SLC9A9: variants seen among roughly 807,000 people sequenced by gnomAD.
SLC9A9 encodes sodium/hydrogen exchanger 9.
In SLC9A9, 62 loss-of-function variants were observed where a neutral mutation model predicts 77.8. The ratio of observed to expected loss-of-function variants is 0.80; its 90% CI spans 0.65 to 0.98. SLC9A9 has a LOEUF of 0.98. SLC9A9 is among the 50% of genes least tolerant of loss of function. The probability of loss-of-function intolerance (pLI) is 0.00; values close to 1 mark genes in which losing one functional copy is unlikely to be tolerated. For missense variants in SLC9A9, 775 were observed against 774.9 expected (o/e 1.00, Z 0.00); for synonymous variants, 320 against 283.5 (o/e 1.13, Z -1.29).
At chr3:143,752,407 G>A (rs190684411) in intron 4 of SLC9A9, among the ~76,000 whole-genome samples, 2 of 152,326 alleles carry the variant, frequency 1.3e-5, no homozygotes, top group East Asian at 3.9e-4. Flanking sequence ...ATAAAGCTGA[G>A]ACGATTTAAC....
intron 9 of SLC9A9, among the ~76,000 whole-genome samples, chr3:143,505,562 A>G (rs1048133602): frequency 2.6e-5 from 4 of 152,126 alleles, no homozygotes; most frequent in African/African-American, 9.7e-5. Context: ...GCTGCTCTTT[A>G]TCATATATTT....
At chr3:143,404,811 A>G (rs1296706428) in intron 12 of SLC9A9, among the ~76,000 whole-genome samples, 2 of 151,982 alleles carry the variant, frequency 1.3e-5, no homozygotes, top group Non-Finnish European at 1.5e-5. Flanking sequence ...TTGGAAGTCT[A>G]TTTTCCTTGC....
At chr3:143,435,950 G>T (rs866367219) in intron 12 of SLC9A9, among the ~76,000 whole-genome samples, 1 of 152,162 alleles carries the variant, frequency 6.6e-6, no homozygotes, top group African/African-American at 2.4e-5. Flanking sequence ...ACAGAACTAG[G>T]AGAAATCATG....
At chr3:143,734,821 G>A (rs1041940423) in intron 4 of SLC9A9, among the ~76,000 whole-genome samples, 7 of 152,026 alleles carry the variant, frequency 4.6e-5, no homozygotes, top group Non-Finnish European at 8.8e-5. Flanking sequence ...AGAGCTGGGA[G>A]GTGAACTAAG....
At chr3:143,520,330 T>TGA (rs1288619578) in intron 9 of SLC9A9, among the ~76,000 whole-genome samples, 2 of 152,120 alleles carry the variant, frequency 1.3e-5, no homozygotes, top group South Asian at 2.1e-4. Flanking sequence ...AGAATAGAGT[T>TGA]GAGAGAGAGA....
chr3:143,827,695 A>T (rs1166995755), intron 2 of SLC9A9, among the ~76,000 whole-genome samples: 1 of 152,226 alleles, frequency 6.6e-6, no homozygotes, highest in Non-Finnish European at 1.5e-5. Flanking sequence ...ATTACATAGC[A>T]CAAGAATTCA....
chr3:143,280,542 ATTTTTTTTTTT>A (rs58879877), intron 14 of SLC9A9, among the ~76,000 whole-genome samples: 61 of 118,160 alleles, frequency 5.2e-4, no homozygotes, highest in Non-Finnish European at 7.4e-4. Context: ...CTAGAACTAC[ATTTTTTTTTTT>A]TTTTTTTTTT....
intron 8 of SLC9A9, among the ~76,000 whole-genome samples, chr3:143,557,773 G>A (rs1305908243): frequency 6.6e-6 from 1 of 152,124 alleles, no homozygotes; most frequent in African/African-American, 2.4e-5. Context: ...GGTATCTGGT[G>A]GAAGAAATTT....
chr3:143,837,326 T>C (rs2009592010), intron 1 of SLC9A9, among the ~76,000 whole-genome samples: 1 of 152,162 alleles, frequency 6.6e-6, no homozygotes, highest in Non-Finnish European at 1.5e-5. Context: ...AATTAGACTA[T>C]TACAAAGGTC....
chr3:143,571,568 A>T (rs896155800), intron 8 of SLC9A9, among the ~76,000 whole-genome samples: 7 of 152,132 alleles, frequency 4.6e-5, no homozygotes, highest in Non-Finnish European at 2.9e-5. Flanking sequence ...GATGCATGTG[A>T]TAAATTCCCC....
chr3:143,309,851 C>T (rs16853399), intron 14 of SLC9A9, among the ~76,000 whole-genome samples: 3,431 of 152,068 alleles, frequency 0.023, 132 homozygotes, highest in African/African-American at 0.078. Flanking sequence ...GAGCTTTTCC[C>T]AAGGGTGAGA....
intron 12 of SLC9A9, among the ~76,000 whole-genome samples, chr3:143,409,508 C>A (rs1001678489): frequency 2.0e-5 from 3 of 152,162 alleles, no homozygotes; most frequent in Admixed American, 2.0e-4. Context: ...CATTTCATTC[C>A]GCTTAAACCT....
At chr3:143,529,563 A>G (rs1041333941) in intron 9 of SLC9A9, among the ~76,000 whole-genome samples, 1 of 152,184 alleles carries the variant, frequency 6.6e-6, no homozygotes, top group Admixed American at 6.5e-5. Flanking sequence ...ACATGAGAGC[A>G]GGGATTTTTA....
chr3:143,399,761 T>C (rs1276623063), intron 12 of SLC9A9, among the ~76,000 whole-genome samples: 2 of 152,176 alleles, frequency 1.3e-5, no homozygotes, highest in African/African-American at 4.8e-5. Context: ...TAAACAACTG[T>C]TGTATATGAA....
chr3:143,817,013 G>T (rs940358919), intron 2 of SLC9A9, among the ~76,000 whole-genome samples: 1 of 151,864 alleles, frequency 6.6e-6, no homozygotes, highest in African/African-American at 2.4e-5. Flanking sequence ...ATGTAATCTG[G>T]TTACTATTCT....
chr3:143,680,349 T>A (rs1033897041), intron 5 of SLC9A9, among the ~76,000 whole-genome samples: 1 of 152,208 alleles, frequency 6.6e-6, no homozygotes, highest in African/African-American at 2.4e-5. Context: ...TTATGAAAAG[T>A]AACAGGGATT....
chr3:143,687,327 G>A (rs184146860), intron 5 of SLC9A9, among the ~76,000 whole-genome samples: 65 of 152,216 alleles, frequency 4.3e-4, no homozygotes, highest in Non-Finnish European at 6.5e-4. Context: ...GTTTCCTCTC[G>A]TAAATTAGTG....
intron 6 of SLC9A9, among the ~76,000 whole-genome samples, chr3:143,611,722 G>C (rs1414680942): frequency 6.6e-6 from 1 of 152,094 alleles, no homozygotes; most frequent in Non-Finnish European, 1.5e-5. Context: ...AAAGTAACTG[G>C]AGATTAAAGG....
chr3:143,815,139 T>C (rs1171969391), intron 2 of SLC9A9, among the ~76,000 whole-genome samples: 1 of 151,934 alleles, frequency 6.6e-6, no homozygotes, highest in Non-Finnish European at 1.5e-5. Flanking sequence ...ATTAAAGAAG[T>C]GATAAGAGCA....
Sources: allele counts gnomAD v4.1 joint callset (sites outside exome capture counted in the v4.1 genomes callset), GRCh38; gene constraint gnomAD v4.1.1; transcripts MANE v1.5; gene names NCBI Gene and HGNC (gene_info 2026-07-23, HGNC 2026-07-21).